Variants in CTNNA2 observed in about 807,000 individuals in gnomAD.
The protein encoded by CTNNA2 is catenin alpha-2.
In CTNNA2, 42 loss-of-function variants were observed where a neutral mutation model predicts 101.0. That is an observed-to-expected ratio of 0.42 (90% confidence interval 0.32 to 0.54). The LOEUF (loss-of-function observed/expected upper bound fraction) is 0.54, where lower values mean the gene tolerates loss of function less well. Ranked by LOEUF, CTNNA2 falls within the 20% of genes least tolerant of loss-of-function variation. CTNNA2 has a pLI of 0.14. For missense variants in CTNNA2, 871 were observed against 1,223.1 expected, an observed-to-expected ratio of 0.71 and a Z score of 4.29; for synonymous variants, 450 against 456.4, an observed-to-expected ratio of 0.99 and a Z score of 0.18.
chr2:80,232,337 GTTTGTTTGTTTTTTTT>G (rs1709271490), intron 7 of CTNNA2, among the ~76,000 whole-genome samples: 13 of 45,090 alleles, frequency 2.9e-4, no homozygotes, highest in Non-Finnish European at 4.1e-4. Flanking sequence ...TTGTTTGTTT[GTTTGTTTGTTTTTTTT>G]TTTTTTTTTT....
chr2:80,130,946 A>G (rs1333506089), intron 7 of CTNNA2, among the ~76,000 whole-genome samples: 2 of 151,702 alleles, frequency 1.3e-5, no homozygotes, highest in Non-Finnish European at 2.9e-5. Context: ...TATATATGAG[A>G]GAAAATGTCA....
chr2:79,253,032 A>G (rs1038540768), intron 2 of CTNNA2, among the ~76,000 whole-genome samples: 7 of 152,186 alleles, frequency 4.6e-5, no homozygotes, highest in Non-Finnish European at 1.0e-4. Context: ...CTGTCATGGA[A>G]GCATATTCTC....
At chr2:79,936,987 C>G (rs566757502) in intron 7 of CTNNA2, among the ~76,000 whole-genome samples, 2 of 152,230 alleles carry the variant, frequency 1.3e-5, no homozygotes, top group Middle Eastern at 6.8e-3. Context: ...AAGGTAGTTT[C>G]CATTGTTTTG....
rs77784434 is a variant in CTNNA2 at position 79,494,255 on chromosome 2, T to C, written c.-134-10799T>C. 1.7e-3 allele frequency among the ~76,000 whole-genome samples: 247 copies of C among 144,676 alleles called. 2 individuals are homozygous for C. The highest frequency in any genetic ancestry group is 6.1e-3 in the African/African-American group (238 of 38,726). The allele number at this position is 144,676 out of a possible 152,430, so 94.9% of individuals were successfully genotyped here. On this transcript the variant is annotated intron_variant, in intron 4 of 21. Transcript: ENST00000466387. Reference sequence around the variant, plus strand: ...TTATCTGCAGATTCAAATCAAATCCTTTAAAAATTCCCAGCTGCCCTATTT... The same window carrying C: ...TTATCTGCAGATTCAAATCAAATCCCTTAAAAATTCCCAGCTGCCCTATTT...
At chr2:80,129,156 A>C (rs906633098) in intron 7 of CTNNA2, among the ~76,000 whole-genome samples, 2 of 152,216 alleles carry the variant, frequency 1.3e-5, no homozygotes, top group Admixed American at 1.3e-4. Flanking sequence ...GCCTCAGACC[A>C]TGATGCAAGC....
chr2:79,893,921 A>G (rs1182163567), intron 6 of CTNNA2, among the ~76,000 whole-genome samples: 2 of 152,118 alleles, frequency 1.3e-5, no homozygotes, highest in Non-Finnish European at 2.9e-5. Flanking sequence ...CTGAATTTGA[A>G]TGATTTTTAA....
Position 80,619,021 on chromosome 2 carries a change from A to ATT in CTNNA2, c.2431-64_2431-63insTT, listed in dbSNP as rs1466684584. 77 of 706,714 alleles carry ATT rather than the reference A, an allele frequency of 1.1e-4. 1 individual carries two copies. In the African/African-American group the frequency reaches 1.5e-3, roughly 14 times the overall value. The allele number at this position is 706,714 out of a possible 1,614,324, so 43.8% of individuals were successfully genotyped here. ...TCCCTAATCCCTTCCCAAGTAGGGT[A>ATT]CTTTTTTTTTTTTTCTTTTGCTCTC... On this transcript the variant is annotated intron_variant, in intron 17 of 18. Coordinates refer to ENST00000402739, the MANE Select transcript of CTNNA2 (RefSeq NM_001282597.3).
At chr2:79,684,631 C>T (rs774350642) in intron 2 of CTNNA2, among the ~76,000 whole-genome samples, 2 of 152,104 alleles carry the variant, frequency 1.3e-5, no homozygotes, top group Non-Finnish European at 2.9e-5. Flanking sequence ...CAATACTTTA[C>T]TGTGTTATTT....
chr2:79,791,122 G>C (rs909194111), intron 3 of CTNNA2, among the ~76,000 whole-genome samples: 2 of 152,194 alleles, frequency 1.3e-5, no homozygotes, highest in Admixed American at 1.3e-4. Context: ...GTACTTATTG[G>C]TAGATTTCAA....
At chr2:79,901,026 T>A (rs1685036964) in intron 6 of CTNNA2, among the ~76,000 whole-genome samples, 1 of 152,170 alleles carries the variant, frequency 6.6e-6, no homozygotes, top group Non-Finnish European at 1.5e-5. Context: ...AGACAGAAAG[T>A]GAAGACATGG....
chr2:79,191,540 C>T (rs1287757221), intron 1 of CTNNA2, among the ~76,000 whole-genome samples: 3 of 152,104 alleles, frequency 2.0e-5, no homozygotes, highest in Admixed American at 6.6e-5. Context: ...GGGCCCTAAA[C>T]CTAACCATAT....
intron 4 of CTNNA2, among the ~76,000 whole-genome samples, chr2:79,482,931 A>G (rs1671123776): frequency 1.3e-5 from 2 of 152,206 alleles, no homozygotes; most frequent in African/African-American, 4.8e-5. Flanking sequence ...GCTAAAAGTC[A>G]TACAATACAT....
chr2:80,301,180 C>T (rs1676272916), intron 7 of CTNNA2, among the ~76,000 whole-genome samples: 1 of 152,162 alleles, frequency 6.6e-6, no homozygotes, highest in Admixed American at 6.5e-5. Flanking sequence ...AGGTTTTTCT[C>T]CTCATTCCCC....
At chr2:79,275,997 G>C (rs35008280) in intron 2 of CTNNA2, among the ~76,000 whole-genome samples, 30 of 152,210 alleles carry the variant, frequency 2.0e-4, no homozygotes, top group Non-Finnish European at 3.1e-4. Context: ...ATGGGATAAA[G>C]TGAAGGTCAG....
At chr2:79,523,220 G>C in intron 1 of CTNNA2, 1 of 441,814 alleles carries the variant, frequency 2.3e-6, no homozygotes, top group Non-Finnish European at 4.6e-6. Context: ...AAAATGTCTG[G>C]GTTGATCTGC....
chr2:79,351,716 T>A (rs1677392362), intron 3 of CTNNA2, among the ~76,000 whole-genome samples: 1 of 152,222 alleles, frequency 6.6e-6, no homozygotes, highest in Non-Finnish European at 1.5e-5. Context: ...TTAGTTCACT[T>A]ATGATAATGT....
chr2:80,065,908 A>C (rs977130718), intron 7 of CTNNA2, among the ~76,000 whole-genome samples: 1 of 152,186 alleles, frequency 6.6e-6, no homozygotes, highest in Non-Finnish European at 1.5e-5. Flanking sequence ...CCTCTTTCCA[A>C]TTCCTGAAAT....
At chr2:80,436,675 G>A (rs947957885) in intron 9 of CTNNA2, among the ~76,000 whole-genome samples, 9 of 152,142 alleles carry the variant, frequency 5.9e-5, no homozygotes, top group African/African-American at 2.2e-4. Flanking sequence ...CGAGGCACCA[G>A]CAGATTTAGT....
chr2:79,414,893 T>G (rs2104495927), intron 4 of CTNNA2, among the ~76,000 whole-genome samples: 1 of 152,120 alleles, frequency 6.6e-6, no homozygotes, highest in Admixed American at 6.6e-5. Flanking sequence ...ACAAGACCAG[T>G]GAGGAATTTC....
Sources: gnomAD v4.1 joint callset for allele counts (sites outside exome capture counted in the v4.1 genomes callset) on GRCh38, gnomAD v4.1.1 for gene constraint, MANE v1.5 for transcripts, NCBI Gene and HGNC (gene_info 2026-07-23, HGNC 2026-07-21) for gene names.